PCDHGA1: variants seen among roughly 807,000 people sequenced by gnomAD.
The protein encoded by PCDHGA1 is protocadherin gamma subfamily A, 1, also known as protocadherin gamma-A1.
PCDHGA1 carries 32 observed loss-of-function variants against 58.0 expected under a neutral mutation model. The ratio of observed to expected loss-of-function variants is 0.55; its 90% confidence interval spans 0.42 to 0.74. The LOEUF (loss-of-function observed/expected upper bound fraction) is 0.74. Among genes scored for constraint, PCDHGA1 ranks in the 30% least tolerant of loss-of-function variants. The pLI, the probability that PCDHGA1 is intolerant of heterozygous loss-of-function variation, is 0.00. For synonymous variants in PCDHGA1, 498 were observed against 501.1 expected, an observed-to-expected ratio of 0.99 and a Z score of 0.08; for missense variants, 1,205 against 1,182.3, an observed-to-expected ratio of 1.02 and a Z score of -0.28.
At chr5:141,372,662 T>C in intron 1 of PCDHGA1, 1 of 1,614,056 alleles carries the variant, frequency 6.2e-7, no homozygotes, top group Non-Finnish European at 8.5e-7. Context: ...ATCCGTGTGC[T>C]GCCTCACATT....
intron 1 of PCDHGA1, among the ~76,000 whole-genome samples, chr5:141,425,919 GA>G (rs2096903434): frequency 6.6e-6 from 1 of 152,056 alleles, no homozygotes; most frequent in African/African-American, 2.4e-5. Flanking sequence ...CAGTCACTAC[GA>G]AAACTCATAA....
chr5:141,469,103 C>A (rs949254605), intron 1 of PCDHGA1, among the ~76,000 whole-genome samples: 2 of 151,844 alleles, frequency 1.3e-5, no homozygotes, highest in African/African-American at 2.4e-5. Context: ...AAAGCAAGAA[C>A]CTGTCTCTAA....
chr5:141,331,426 C>G lies in PCDHGA1; in HGVS notation c.742C>G (p.His248Asp). The change falls in exon 1 of 4, where the codon CAT (histidine) becomes GAT (aspartate). Residue 248 changes from histidine (H) to aspartate (D), a missense_variant. Transcript: ENST00000517417. Reference protein sequence around the residue: ...NPPAFTQAQYHINVPENVPLG... With the variant: ...NPPAFTQAQYDINVPENVPLG... ...TCCAGCATTTACTCAGGCACAATAC[C>G]ATATAAATGTCCCCGAAAACGTGCC... The G allele has an allele frequency of 6.2e-7, 1 of 1,614,066 alleles. No individual in the cohort carries two copies. The highest frequency in any genetic ancestry group is 8.5e-7 in the Non-Finnish European group (1 of 1,180,016).
rs1266068276 is a variant in PCDHGA1 at position 141,418,847 on chromosome 5, C to T, written c.2422-75960C>T. 1.2e-6 allele frequency: 2 copies of T among 1,613,972 alleles called. No individual in the cohort carries two copies. The highest frequency in any genetic ancestry group is 1.3e-5 in the African/African-American group (1 of 75,054). On this transcript the variant is annotated intron_variant, in intron 1 of 3. Transcript: ENST00000517417. ...AAAAGACCGAGGATCTCTCTCAACACGGTGTAAAGTAATTGTAGAAGTTGT... is the reference window on the plus strand; with the variant it reads ...AAAAGACCGAGGATCTCTCTCAACATGGTGTAAAGTAATTGTAGAAGTTGT...
chr5:141,357,918 G>A (rs953225930), intron 1 of PCDHGA1, among the ~76,000 whole-genome samples: 1 of 152,172 alleles, frequency 6.6e-6, no homozygotes, highest in Non-Finnish European at 1.5e-5. Flanking sequence ...TGCTGGGTGT[G>A]GTGGCTCACA....
rs373424450 is a variant in PCDHGA1, at chr5:141,450,829, AT to A, written c.2422-43965del. 1.1e-3 allele frequency among the ~76,000 whole-genome samples: 154 copies of A among 135,102 alleles called. 1 individual carries two copies. Among genetic ancestry groups the A allele is most frequent in the South Asian group, 8.9e-3 (38 of 4,254 alleles). 88.6% of individuals were successfully genotyped at this position (135,102 alleles called of 152,430 possible). ...TTATTTATTTAATATTATTATTATTATTTTTTTTTTTTTGAGATGGGGTCTT... is the reference window on the plus strand; with the variant it reads ...TTATTTATTTAATATTATTATTATTATTTTTTTTTTTTGAGATGGGGTCTT... On this transcript the variant is annotated intron_variant, in intron 1 of 3. Transcript: ENST00000517417.
At chr5:141,364,715 A>G (rs566972515) in intron 1 of PCDHGA1, 1 of 1,614,010 alleles carries the variant, frequency 6.2e-7, no homozygotes, top group Admixed American at 1.7e-5. Context: ...TATTAATGAT[A>G]ACTTCCCGCG....
intron 1 of PCDHGA1, chr5:141,405,437 T>C: frequency 7.0e-7 from 1 of 1,433,230 alleles, no homozygotes; most frequent in Non-Finnish European, 9.6e-7. Flanking sequence ...GTTTTGTTTT[T>C]GAGACAGAGT....
rs769796337 is a variant in PCDHGA1 at position 141,352,074 on chromosome 5, T to C, written c.2421+18969T>C. ...AACGCTTGGCTGTCCTACCACGTGC[T>C]GCAGGCCAGCGAGCCCGGGCTCTTC... On this transcript the variant is annotated intron_variant, in intron 1 of 3. Transcript: ENST00000517417. The C allele has an allele frequency of 1.1e-4, 169 of 1,605,162 alleles. No homozygotes were observed. Among genetic ancestry groups the C allele is most frequent in the Non-Finnish European group, 1.4e-4 (166 of 1,176,758 alleles).
At position 141,477,795 on chromosome 5, in the gene PCDHGA1, G is replaced by T. The variant is rs778851755; in HGVS notation, c.2422-17012G>T. The T allele has an allele frequency of 1.2e-5, 19 of 1,613,946 alleles. 1 individual carries two copies. In the South Asian group the frequency reaches 1.6e-4, roughly 14 times the overall value. On this transcript the variant is annotated intron_variant, in intron 1 of 3. Transcript: ENST00000517417. The surrounding 1 kb of genome is among the most constrained non-coding windows in gnomAD (Gnocchi z 4.9). ...AGCGTGAACATATTTGTCACTGATC[G>T]CAATGACAATGCCCCCCAGGTCCTA...
At chr5:141,348,827 A>C (rs985271753) in intron 1 of PCDHGA1, among the ~76,000 whole-genome samples, 12 of 152,220 alleles carry the variant, frequency 7.9e-5, no homozygotes, top group Middle Eastern at 3.2e-3. Context: ...TTTCGAATAG[A>C]GTATGAGTAT....
At chr5:141,470,851 A>G (rs1410012138) in intron 1 of PCDHGA1, among the ~76,000 whole-genome samples, 2 of 151,876 alleles carry the variant, frequency 1.3e-5, no homozygotes, top group Non-Finnish European at 2.9e-5. Context: ...CCATGCTCAG[A>G]TAAGTTTTTT....
chr5:141,412,108 G>A (rs897331971), intron 1 of PCDHGA1: 2 of 152,198 alleles, frequency 1.3e-5, no homozygotes, highest in Admixed American at 6.5e-5. Flanking sequence ...CACAGTTGAA[G>A]ATATGTGAAC....
intron 1 of PCDHGA1, chr5:141,376,053 C>A (rs1453617614): frequency 6.2e-7 from 1 of 1,613,372 alleles, no homozygotes; most frequent in African/African-American, 1.3e-5. Flanking sequence ...CTCTCCGCCA[C>A]TGTCACGCTC....
intron 1 of PCDHGA1, chr5:141,351,672 G>A (rs1429208209): frequency 8.7e-6 from 14 of 1,613,984 alleles, no homozygotes; most frequent in Non-Finnish European, 1.1e-5. Flanking sequence ...GCACAAGTAA[G>A]CGCCTCCGAC....
Position 141,400,134 on chromosome 5 carries a change from G to A in PCDHGA1, c.2421+67029G>A, listed in dbSNP as rs373375631. The A allele has an allele frequency of 6.8e-6, 11 of 1,613,954 alleles. No homozygotes were observed. In the African/African-American group the frequency reaches 9.3e-5, roughly 14 times the overall value. Reference sequence around the variant, plus strand: ...CTGACAGCTTGCAGGAGGTGCTGCCGGATATCACTGACCGCCCTGTACCCT... The same window carrying A: ...CTGACAGCTTGCAGGAGGTGCTGCCAGATATCACTGACCGCCCTGTACCCT... On this transcript the variant is annotated intron_variant, in intron 1 of 3. Coordinates refer to ENST00000517417, the MANE Select transcript of PCDHGA1 (RefSeq NM_018912.3).
In PCDHGA1 at chr5:141,333,002, C is replaced by G; in HGVS notation, c.2318C>G (p.Pro773Arg). Residue 773 changes from proline (P) to arginine (R), a missense_variant, in exon 1 of 4, where the codon CCC becomes CGC. By Grantham distance (103) the Pro-to-Arg change is moderately radical. Coordinates refer to ENST00000517417, the MANE Select transcript of PCDHGA1 (RefSeq NM_018912.3). ...AAGAGCCACCTGATTTTCCCCCAGCCCAACTATGCGGACACACTCATCAGC... is the reference window on the plus strand; with the variant it reads ...AAGAGCCACCTGATTTTCCCCCAGCGCAACTATGCGGACACACTCATCAGC... ...SRKSHLIFPQ[P>R]NYADTLISQE... The G allele has an allele frequency of 6.2e-7, 1 of 1,614,212 alleles. No homozygotes were observed. Among genetic ancestry groups the G allele is most frequent in the Non-Finnish European group, 8.5e-7 (1 of 1,180,032 alleles).
chr5:141,415,967 C>A, intron 1 of PCDHGA1: 1 of 389,100 alleles, frequency 2.6e-6, no homozygotes, highest in Non-Finnish European at 4.2e-6. Context: ...AACTCCAGCC[C>A]CTTAAGCAAC....
At chr5:141,357,233 T>A (rs1760516287) in intron 1 of PCDHGA1, 1 of 1,613,828 alleles carries the variant, frequency 6.2e-7, no homozygotes, top group African/African-American at 1.3e-5. Flanking sequence ...TTGGGCAGCC[T>A]CAAGCCTTCA....
Sources: allele counts gnomAD v4.1 joint callset (sites outside exome capture counted in the v4.1 genomes callset), GRCh38; gene constraint gnomAD v4.1.1; non-coding constraint Gnocchi (gnomAD v3.1); transcripts MANE v1.5; gene names NCBI Gene and HGNC (gene_info 2026-07-23, HGNC 2026-07-21).